THSD7B: variants seen among roughly 807,000 people sequenced by gnomAD.
THSD7B encodes the protein thrombospondin type 1 domain containing 7B.
THSD7B carries 138 observed loss-of-function variants against 213.6 expected under a neutral mutation model. That is an observed-to-expected ratio of 0.65 (90% CI 0.56 to 0.74). THSD7B has a LOEUF of 0.74. THSD7B is among the 30% of genes least tolerant of loss of function. The pLI, the probability that THSD7B is intolerant of heterozygous loss-of-function variation, is 0.00. For missense variants in THSD7B, 1,931 were observed against 1,991.5 expected (o/e 0.97, Z 0.58); for synonymous variants, 742 against 687.0 (o/e 1.08, Z -1.25).
At chr2:136,814,920 G>T (rs1682446424) in intron 1 of THSD7B, among the ~76,000 whole-genome samples, 1 of 152,112 alleles carries the variant, frequency 6.6e-6, no homozygotes, top group Non-Finnish European at 1.5e-5. Context: ...TAAATTAAAA[G>T]AATAATATTT....
intron 20 of THSD7B, among the ~76,000 whole-genome samples, chr2:137,620,961 G>A: frequency 6.6e-6 from 1 of 152,222 alleles, no homozygotes; most frequent in East Asian, 1.9e-4. Context: ...GAAACTGTGG[G>A]ACAATGTTTA....
At chr2:137,332,031 T>C (rs1304258043) in intron 12 of THSD7B, among the ~76,000 whole-genome samples, 1 of 152,128 alleles carries the variant, frequency 6.6e-6, no homozygotes, top group Non-Finnish European at 1.5e-5. Context: ...GCTCCGGCCT[T>C]GGCCAGCCCA....
chr2:137,294,958 T>C (rs1683424799), intron 12 of THSD7B, among the ~76,000 whole-genome samples: 1 of 152,160 alleles, frequency 6.6e-6, no homozygotes, highest in Non-Finnish European at 1.5e-5. Context: ...AATTTTTTCC[T>C]TATGAAACAT....
intron 2 of THSD7B, among the ~76,000 whole-genome samples, chr2:136,983,504 T>TC (rs201821247): frequency 7.6e-6 from 1 of 131,676 alleles, no homozygotes; most frequent in African/African-American, 3.4e-5. Context: ...TAAAATCTGT[T>TC]TTTTTTTTTT....
At chr2:137,260,195 A>G (rs1327341806) in intron 10 of THSD7B, among the ~76,000 whole-genome samples, 1 of 152,230 alleles carries the variant, frequency 6.6e-6, no homozygotes, top group Admixed American at 6.5e-5. Context: ...AGCCCAAATA[A>G]TGGTTAGATA....
chr2:137,519,846 T>G (rs190074616), intron 15 of THSD7B, among the ~76,000 whole-genome samples: 22 of 152,318 alleles, frequency 1.4e-4, no homozygotes, highest in African/African-American at 4.8e-4. Context: ...ACTTAAAATA[T>G]AAGAAAAACA....
intron 14 of THSD7B, among the ~76,000 whole-genome samples, chr2:137,426,412 CT>C (rs1687056452): frequency 6.6e-6 from 1 of 152,058 alleles, no homozygotes; most frequent in Non-Finnish European, 1.5e-5. Context: ...AGGCACCACA[CT>C]TCCTGAGTTA....
intron 2 of THSD7B, among the ~76,000 whole-genome samples, chr2:136,960,314 T>C (rs1324273895): frequency 6.6e-6 from 1 of 152,028 alleles, no homozygotes; most frequent in Non-Finnish European, 1.5e-5. Flanking sequence ...TTATTTTGTA[T>C]TTTTTGTAGA....
chr2:137,121,580 T>A (rs1334396644), intron 5 of THSD7B, among the ~76,000 whole-genome samples: 1 of 152,156 alleles, frequency 6.6e-6, no homozygotes, highest in Non-Finnish European at 1.5e-5. Context: ...TTACAAGTAA[T>A]AGTTCAGCTT....
At chr2:137,124,793 T>C (rs1688604596) in intron 5 of THSD7B, among the ~76,000 whole-genome samples, 1 of 152,212 alleles carries the variant, frequency 6.6e-6, no homozygotes, top group African/African-American at 2.4e-5. Flanking sequence ...TGTAGGCATG[T>C]ATGTGAAATG....
intron 15 of THSD7B, among the ~76,000 whole-genome samples, chr2:137,475,905 T>C (rs1302999413): frequency 6.6e-6 from 1 of 152,172 alleles, no homozygotes; most frequent in African/African-American, 2.4e-5. Flanking sequence ...TCGTTTTCCA[T>C]AGTTGCTTTT....
chr2:137,582,347 T>C (rs1009003084), intron 17 of THSD7B, among the ~76,000 whole-genome samples: 5 of 152,196 alleles, frequency 3.3e-5, no homozygotes, highest in Admixed American at 6.5e-5. Context: ...ATTTGACTTT[T>C]TTATTATTAT....
intron 25 of THSD7B, among the ~76,000 whole-genome samples, chr2:137,661,293 T>C (rs1293555555): frequency 6.6e-6 from 1 of 151,950 alleles, no homozygotes; most frequent in Non-Finnish European, 1.5e-5. Context: ...GACCAGAAAT[T>C]TACAGACTAA....
intron 20 of THSD7B, among the ~76,000 whole-genome samples, chr2:137,622,359 C>G (rs865858651): frequency 4.7e-4 from 72 of 152,142 alleles, no homozygotes; most frequent in African/African-American, 1.6e-3. Flanking sequence ...AAAAACAAAA[C>G]AAAACAAAAC....
chr2:137,448,908 T>A (rs1192963140), intron 14 of THSD7B, among the ~76,000 whole-genome samples: 2 of 152,200 alleles, frequency 1.3e-5, no homozygotes, highest in African/African-American at 4.8e-5. Context: ...TCCTGGGGAA[T>A]GGACTTAGAT....
intron 10 of THSD7B, among the ~76,000 whole-genome samples, chr2:137,258,684 A>AT (rs933125154): frequency 4.2e-4 from 60 of 141,876 alleles, no homozygotes; most frequent in Middle Eastern, 7.2e-3. Flanking sequence ...TTTTCTGCAC[A>AT]TTTTTTTTTA....
At chr2:136,931,256 A>C (rs905018342) in intron 2 of THSD7B, among the ~76,000 whole-genome samples, 3 of 152,206 alleles carry the variant, frequency 2.0e-5, no homozygotes, top group African/African-American at 7.2e-5. Context: ...ATACATGCAC[A>C]CATACATGCA....
chr2:137,579,402 A>T (rs1171803268), intron 17 of THSD7B, among the ~76,000 whole-genome samples: 1 of 152,130 alleles, frequency 6.6e-6, no homozygotes, highest in Admixed American at 6.5e-5. Flanking sequence ...TTGGACTGGA[A>T]CCACACCATT....
At chr2:137,438,616 T>C (rs1687338785) in intron 14 of THSD7B, among the ~76,000 whole-genome samples, 1 of 152,080 alleles carries the variant, frequency 6.6e-6, no homozygotes, top group Admixed American at 6.6e-5. Context: ...GTCCCTGCGA[T>C]GGTTGATAAC....
Sources: gnomAD v4.1 joint callset for allele counts (sites outside exome capture counted in the v4.1 genomes callset) on GRCh38, gnomAD v4.1.1 for gene constraint, MANE v1.5 for transcripts, NCBI Gene and HGNC (gene_info 2026-07-23, HGNC 2026-07-21) for gene names.